The following EVL variants were observed in gnomAD, a reference collection of about 807,000 sequenced individuals.
The protein encoded by EVL is Enah/Vasp-like.
In EVL, 21 loss-of-function variants were observed where a neutral mutation model predicts 59.6. The ratio of observed to expected loss-of-function variants is 0.35; its 90% CI spans 0.25 to 0.51. The LOEUF is 0.51. Ranked by LOEUF, EVL falls within the 20% of genes least tolerant of loss-of-function variation. EVL has a pLI of 0.97. For synonymous variants in EVL, 198 were observed against 203.5 expected, an observed-to-expected ratio of 0.97 and a Z score of 0.23; for missense variants, 462 against 546.6, an observed-to-expected ratio of 0.85 and a Z score of 1.54.
intron 1 of EVL, among the ~76,000 whole-genome samples, chr14:99,983,204 C>T (rs1406185436): frequency 1.3e-5 from 2 of 152,146 alleles, no homozygotes; most frequent in African/African-American, 4.8e-5. Context: ...GCTATTGATG[C>T]ATCACCTTCT....
chr14:100,125,752 C>T (rs1484331797), intron 4 of EVL, among the ~76,000 whole-genome samples: 1 of 152,056 alleles, frequency 6.6e-6, no homozygotes, highest in Non-Finnish European at 1.5e-5. Flanking sequence ...GATGGGGTTT[C>T]ACCATGTTGG....
At chr14:100,016,288 T>C (rs1374218640) in intron 1 of EVL, among the ~76,000 whole-genome samples, 1 of 152,070 alleles carries the variant, frequency 6.6e-6, no homozygotes, top group Non-Finnish European at 1.5e-5. Context: ...CCCAGCACTT[T>C]GGGAGGCCGA....
chr14:100,085,064 A>G (rs1190976), intron 2 of EVL: 37,573 of 526,592 alleles, frequency 0.071, 1,976 homozygotes, highest in East Asian at 0.23. Context: ...CTTTTTACCT[A>G]TGTCATATGG....
chr14:100,086,599 C>T (rs536166054), intron 2 of EVL, among the ~76,000 whole-genome samples: 11 of 152,334 alleles, frequency 7.2e-5, no homozygotes, highest in East Asian at 5.8e-4. Flanking sequence ...ACCCAAACAC[C>T]GCCTGTTCTC....
chr14:100,137,584 G>A lies in EVL; in HGVS notation c.971G>A (p.Gly324Asp), dbSNP rs1174144298. The change falls in exon 10 of 14, where the codon GGC (glycine) becomes GAC (aspartate). Residue 324 changes from glycine (G) to aspartate (D), a missense_variant. Physicochemically the swap from Gly to Asp is moderately conservative, Grantham distance 94 (BLOSUM62 -1). Coordinates refer to ENST00000392920, the MANE Select transcript of EVL (RefSeq NM_016337.3). ...CCATGAAATGAACTGACAGAGGCTG[G>A]CCGGAAGCCCTGGGAGCGGAGCAAC... is the stretch of plus-strand genomic sequence containing the variant. ...ASQPPNSSEA[G>D]RKPWERSNSV... 1 of 1,613,948 alleles carries A rather than the reference G, an allele frequency of 6.2e-7. No individual in the cohort carries two copies. Among genetic ancestry groups the A allele is most frequent in the Non-Finnish European group, 8.5e-7 (1 of 1,180,026 alleles).
chr14:100,089,933 CA>C (rs943314884), intron 2 of EVL, among the ~76,000 whole-genome samples: 3 of 148,172 alleles, frequency 2.0e-5, no homozygotes, highest in African/African-American at 2.5e-5. Flanking sequence ...AACCTTGTCT[CA>C]AAAAAAAAGC....
rs1367851459 is a variant in EVL at position 100,127,530 on chromosome 14, T to G, written c.487+759T>G. Among the ~76,000 whole-genome samples, 1 of 152,144 alleles carries G rather than the reference T, an allele frequency of 6.6e-6. No homozygotes were observed. Among genetic ancestry groups the G allele is most frequent in the Admixed American group, 6.5e-5 (1 of 15,282 alleles). On this transcript the variant is annotated intron_variant, in intron 5 of 13. Coordinates refer to ENST00000392920, the MANE Select transcript of EVL (RefSeq NM_016337.3). This position sits in a 1 kb window ranked among gnomAD's most constrained non-coding sequence, Gnocchi z 4.2. ...CTGCTCCCCGGCCAGTCTGCATTTC[T>G]GATGCAGGTCTGACACTGTCATCAT... is the stretch of plus-strand genomic sequence containing the variant.
intron 1 of EVL, among the ~76,000 whole-genome samples, chr14:100,035,182 G>A (rs1288423391): frequency 6.6e-6 from 1 of 152,112 alleles, no homozygotes; most frequent in Non-Finnish European, 1.5e-5. Flanking sequence ...GAGTTAAAAT[G>A]AAGTCACTCA....
upstream of EVL, among the ~76,000 whole-genome samples, chr14:100,064,391 T>C (rs2140268159): frequency 6.6e-6 from 1 of 152,332 alleles, no homozygotes; most frequent in East Asian, 1.9e-4. Flanking sequence ...AAAGAAAGAT[T>C]GGACTGGATC....
chr14:100,099,179 CAAAAAAAAAA>C (rs57154685), intron 3 of EVL, among the ~76,000 whole-genome samples: 1 of 51,258 alleles, frequency 2.0e-5, no homozygotes, highest in South Asian at 8.2e-4. Context: ...CCTGTCTCTA[CAAAAAAAAAA>C]AAAAAAAAAA....
chr14:100,053,946 C>G (rs1021141611), intron 1 of EVL, among the ~76,000 whole-genome samples: 1 of 151,314 alleles, frequency 6.6e-6, no homozygotes, highest in Non-Finnish European at 1.5e-5. Context: ...TGTGCCCAGC[C>G]CCTCTTGCAT....
intron 8 of EVL, among the ~76,000 whole-genome samples, chr14:100,132,985 C>A (rs1044504173): frequency 1.3e-5 from 2 of 152,208 alleles, no homozygotes; most frequent in African/African-American, 4.8e-5. Flanking sequence ...ACTGAGCACC[C>A]CCTACCAGAC....
chr14:100,064,033 C>G (rs139989256), upstream of EVL, among the ~76,000 whole-genome samples: 944 of 152,106 alleles, frequency 6.2e-3, 25 homozygotes, highest in Admixed American at 0.051. Flanking sequence ...ATATTTTGAA[C>G]CAAAAGAAAA....
At chr14:100,041,294 A>G (rs2061464016) in intron 1 of EVL, among the ~76,000 whole-genome samples, 1 of 152,206 alleles carries the variant, frequency 6.6e-6, no homozygotes, top group African/African-American at 2.4e-5. Context: ...ACAAGCCATG[A>G]GATGTGAGGT....
chr14:99,991,542 G>A (rs978789788), intron 1 of EVL, among the ~76,000 whole-genome samples: 26 of 152,166 alleles, frequency 1.7e-4, no homozygotes, highest in African/African-American at 5.6e-4. Flanking sequence ...CATTTTCAGC[G>A]ATTGAGAATT....
At chr14:100,033,744 A>G (rs1045353288) in intron 1 of EVL, among the ~76,000 whole-genome samples, 3 of 152,194 alleles carry the variant, frequency 2.0e-5, no homozygotes, top group Non-Finnish European at 2.9e-5. Flanking sequence ...TCTTGTTGTC[A>G]TGTCCATTTT....
chr14:100,035,061 G>A (rs2061368314), intron 1 of EVL, among the ~76,000 whole-genome samples: 1 of 152,192 alleles, frequency 6.6e-6, no homozygotes, highest in Non-Finnish European at 1.5e-5. Flanking sequence ...TTTGCCTTCT[G>A]TGTCTCTGGG....
At position 100,132,410 on chromosome 14, in the gene EVL, G is replaced by A. The variant is rs146260672; in HGVS notation, c.840-309G>A. On this transcript the variant is annotated intron_variant, in intron 7 of 13. Coordinates refer to ENST00000392920, the MANE Select transcript of EVL (RefSeq NM_016337.3). ...AGTGTCCTGGGGACAGAGCGTGCCC[G>A]CCTCCCCTCCACGCCTCAGATGCTA... Among the ~76,000 whole-genome samples, 34 of 152,140 alleles carry A rather than the reference G, an allele frequency of 2.2e-4. 1 individual carries two copies. In the East Asian group the frequency reaches 2.3e-3, roughly 10 times the overall value.
At chr14:100,079,726 C>T (rs1156529564) in intron 1 of EVL, among the ~76,000 whole-genome samples, 2 of 152,152 alleles carry the variant, frequency 1.3e-5, no homozygotes, top group East Asian at 1.9e-4. Flanking sequence ...GCTAGGATGG[C>T]GTGTCTGTGT....
Sources: gnomAD v4.1 joint callset for allele counts (sites outside exome capture counted in the v4.1 genomes callset) on GRCh38, gnomAD v4.1.1 for gene constraint, Gnocchi (gnomAD v3.1) non-coding constraint, MANE v1.5 for transcripts, NCBI Gene and HGNC (gene_info 2026-07-23, HGNC 2026-07-21) for gene names.